The following XNDC1N variants were observed in gnomAD, a reference collection of about 807,000 sequenced individuals.
XNDC1N encodes the protein XRCC1 N-terminal domain containing 1, N-terminal like.
the XNDC1N span, among the ~76,000 whole-genome samples, chr11:71,910,888 G>T: frequency 4.3e-3 from 659 of 152,334 alleles, 4 homozygotes; most frequent in African/African-American, 0.015. Context: ...CCTTTGGAAT[G>T]CGGATCCCAA....
the XNDC1N span, among the ~76,000 whole-genome samples, chr11:71,869,807 AC>A: frequency 6.6e-6 from 1 of 152,304 alleles, no homozygotes; most frequent in Non-Finnish European, 1.5e-5. Context: ...AGGTAAGAAG[AC>A]ACTCTGGCTT....
the XNDC1N span, among the ~76,000 whole-genome samples, chr11:71,906,296 C>A: frequency 2.2e-3 from 333 of 150,736 alleles, 2 homozygotes; most frequent in African/African-American, 7.9e-3. Context: ...ATTATGAATA[C>A]TATCACAGGG....
chr11:71,866,135 A>G, the XNDC1N span, among the ~76,000 whole-genome samples: 15 of 89,642 alleles, frequency 1.7e-4, no homozygotes, highest in South Asian at 4.8e-4. Flanking sequence ...ATATAGATCT[A>G]GAGATAACCC....
chr11:71,915,809 T>A, the XNDC1N span, among the ~76,000 whole-genome samples: 1 of 152,152 alleles, frequency 6.6e-6, no homozygotes, highest in African/African-American at 2.4e-5. Context: ...CAAGAATAAT[T>A]TATGGCTAAA....
the XNDC1N span, among the ~76,000 whole-genome samples, chr11:71,921,619 T>C: frequency 0.025 from 3,867 of 152,252 alleles, 158 homozygotes; most frequent in African/African-American, 0.089. Flanking sequence ...GACTCATGGT[T>C]TTCAACCTTT....
chr11:71,878,464 G>C, the XNDC1N span: 4 of 1,611,548 alleles, frequency 2.5e-6, no homozygotes, highest in Admixed American at 6.7e-5. Context: ...TGAGGGTCTT[G>C]TTTTTTGTCT....
the XNDC1N span, among the ~76,000 whole-genome samples, chr11:71,881,083 T>A: frequency 6.6e-6 from 1 of 152,356 alleles, no homozygotes; most frequent in Admixed American, 6.5e-5. Flanking sequence ...TCTACCTAGA[T>A]GATCTGTTCA....
At chr11:71,911,080 A>G in the XNDC1N span, among the ~76,000 whole-genome samples, 1 of 152,236 alleles carries the variant, frequency 6.6e-6, no homozygotes, top group Admixed American at 6.5e-5. Context: ...CAACAACTGG[A>G]CGGGGTTTCT....
the XNDC1N span, among the ~76,000 whole-genome samples, chr11:71,907,421 G>T: frequency 6.7e-6 from 1 of 150,258 alleles, no homozygotes; most frequent in Non-Finnish European, 1.5e-5. Context: ...CCCATCGCAG[G>T]GGGGCGAGGA....
chr11:71,921,905 A>C, the XNDC1N span, among the ~76,000 whole-genome samples: 1 of 152,276 alleles, frequency 6.6e-6, no homozygotes, highest in South Asian at 2.1e-4. Flanking sequence ...TCACACCTGT[A>C]AATCTCAGCA....
At chr11:71,899,824 A>G in the XNDC1N span, among the ~76,000 whole-genome samples, 1 of 152,196 alleles carries the variant, frequency 6.6e-6, no homozygotes, top group Non-Finnish European at 1.5e-5. Context: ...GCTGAGGTGG[A>G]TTAGTCAAAG....
At chr11:71,926,923 A>G in the XNDC1N span, among the ~76,000 whole-genome samples, 2 of 150,524 alleles carry the variant, frequency 1.3e-5, no homozygotes, top group African/African-American at 5.0e-5. Flanking sequence ...AAAATAAAAT[A>G]AAATAAAATA....
the XNDC1N span, among the ~76,000 whole-genome samples, chr11:71,890,391 C>T: frequency 6.6e-6 from 1 of 152,132 alleles, no homozygotes; most frequent in African/African-American, 2.4e-5. Context: ...TGTATAACTT[C>T]TGAGATATTG....
chr11:71,904,429 A>G, the XNDC1N span, among the ~76,000 whole-genome samples: 11,057 of 152,206 alleles, frequency 0.073, 645 homozygotes, highest in African/African-American at 0.16. Context: ...CCGGGTACAC[A>G]CACTGTGATA....
At chr11:71,886,216 C>T in the XNDC1N span, among the ~76,000 whole-genome samples, 1 of 152,108 alleles carries the variant, frequency 6.6e-6, no homozygotes, top group Admixed American at 6.5e-5. Flanking sequence ...TACCGAAAAG[C>T]CACAAGCCCT....
At chr11:71,892,915 G>T in the XNDC1N span, among the ~76,000 whole-genome samples, 10 of 152,104 alleles carry the variant, frequency 6.6e-5, no homozygotes, top group Non-Finnish European at 1.5e-5. Flanking sequence ...ACCGAAGGAT[G>T]ATGATAAATA....
At chr11:71,910,934 T>TC in the XNDC1N span, among the ~76,000 whole-genome samples, 6 of 152,226 alleles carry the variant, frequency 3.9e-5, no homozygotes, top group African/African-American at 1.4e-4. Context: ...AGGAAAAACT[T>TC]CTGGCATCCC....
chr11:71,927,571 A>G, the XNDC1N span: 1 of 152,100 alleles, frequency 6.6e-6, no homozygotes, highest in Non-Finnish European at 1.5e-5. Flanking sequence ...AACACAATAC[A>G]ATACTATATA....
At chr11:71,923,347 G>A in the XNDC1N span, 2 of 702,802 alleles carry the variant, frequency 2.8e-6, no homozygotes, top group Non-Finnish European at 5.2e-6. Context: ...ATCTTCACAG[G>A]AGCCATGGTG....
Sources: allele counts gnomAD v4.1 joint callset (sites outside exome capture counted in the v4.1 genomes callset), GRCh38; gene constraint gnomAD v4.1.1; transcripts MANE v1.5; gene names NCBI Gene and HGNC (gene_info 2026-07-23, HGNC 2026-07-21).